The following SAP130 variants were observed in gnomAD, a reference collection of about 807,000 sequenced individuals.
The protein encoded by SAP130 is Sin3A associated protein 130.
In SAP130, 16 loss-of-function variants were observed where a neutral mutation model predicts 103.2. That is an observed-to-expected ratio of 0.16 (90% CI 0.10 to 0.24). The LOEUF (loss-of-function observed/expected upper bound fraction) is 0.24, where lower values mean the gene tolerates loss of function less well. SAP130 is among the 10% of genes least tolerant of loss of function. The pLI is 1.00. For synonymous variants in SAP130, 477 were observed against 497.0 expected, an observed-to-expected ratio of 0.96 and a Z score of 0.53; for missense variants, 990 against 1,359.7, an observed-to-expected ratio of 0.73 and a Z score of 4.28.
chr2:127,999,820 G>A lies in SAP130; in HGVS notation c.1134C>T (p.Pro378=). Reference sequence around the variant, plus strand: ...CTGTCATGGTAACAATGGTACTTGTGGGAGCTTGCGTGTGTGACACAGATC... The same window carrying A: ...CTGTCATGGTAACAATGGTACTTGTAGGAGCTTGCGTGTGTGACACAGATC... ...TAGSVSHTQA[P]TSTIVTMTVP... Residue 378 remains proline, a synonymous_variant, in exon 10 of 21, where the codon CCC becomes CCT. Transcript: ENST00000643581. 1 of 1,535,796 alleles carries A rather than the reference G, an allele frequency of 6.5e-7. No individual in the cohort carries two copies. The highest frequency in any genetic ancestry group is 8.7e-7 in the Non-Finnish European group (1 of 1,144,806).
At chr2:128,015,006 G>A (rs1372181734) in intron 4 of SAP130, 92 bp from the exon 5 acceptor site, 3 of 960,872 alleles carry the variant, frequency 3.1e-6, no homozygotes, top group Non-Finnish European at 4.8e-6. Flanking sequence ...GGGTCAGGTT[G>A]TTTTTTAGAT....
chr2:127,977,383 C>G (rs1309064946), intron 15 of SAP130, among the ~76,000 whole-genome samples: 2 of 150,716 alleles, frequency 1.3e-5, no homozygotes, highest in Non-Finnish European at 2.9e-5. Context: ...GCCTGTAATC[C>G]CAGCTACTCC....
intron 14 of SAP130, among the ~76,000 whole-genome samples, chr2:127,978,993 G>GA (rs1206220700): frequency 6.6e-6 from 1 of 152,178 alleles, no homozygotes; most frequent in Non-Finnish European, 1.5e-5. Flanking sequence ...TAGTAACTGT[G>GA]AATGTGACCT....
At position 127,941,985 on chromosome 2, in the gene SAP130, A is replaced by T. The variant is rs762524373; in HGVS notation, c.*21T>A. 1.6e-6 allele frequency: 2 copies of T among 1,219,078 alleles called. No homozygotes were observed. Among genetic ancestry groups the T allele is most frequent in the Admixed American group, 3.6e-5 (1 of 28,068 alleles). The allele number at this position is 1,219,078 out of a possible 1,614,324, so 75.5% of individuals were successfully genotyped here. Reference sequence around the variant, plus strand: ...CATCATTCTTCATAAATTTGCTTCCAATCTCCTGATTGTTCTGGGTCTAGA... The same window carrying T: ...CATCATTCTTCATAAATTTGCTTCCTATCTCCTGATTGTTCTGGGTCTAGA... On this transcript the variant is annotated 3_prime_UTR_variant, in exon 21 of 21. Transcript: ENST00000643581.
intron 12 of SAP130, among the ~76,000 whole-genome samples, chr2:127,992,575 GCACCTGGCT>G (rs1278243644): frequency 6.6e-6 from 1 of 152,204 alleles, no homozygotes; most frequent in Non-Finnish European, 1.5e-5. Context: ...ATGAGCCACT[GCACCTGGCT>G]GGAAATAAGG....
intron 18 of SAP130, among the ~76,000 whole-genome samples, chr2:127,947,026 G>GGA (rs930255829): frequency 6.7e-6 from 1 of 149,834 alleles, no homozygotes; most frequent in African/African-American, 2.5e-5. Flanking sequence ...GGGGAGAGAA[G>GGA]GAGAGAGAGA....
At chr2:127,978,239 G>C (rs1406345632) in intron 14 of SAP130, 150 bp from the exon 15 acceptor site, 3 of 613,276 alleles carry the variant, frequency 4.9e-6, no homozygotes, top group African/African-American at 1.8e-5. Flanking sequence ...CATTTTCTCG[G>C]ATACCACAGA....
chr2:127,962,513 T>C lies in SAP130; in HGVS notation c.2064-7169A>G, dbSNP rs192119707. 6.2e-4 allele frequency among the ~76,000 whole-genome samples: 94 copies of C among 152,234 alleles called. 1 individual carries two copies. Among genetic ancestry groups the C allele is most frequent in the Admixed American group, 5.6e-3 (86 of 15,284 alleles). ...AAAACGATAGACTGGATTAAGCAAA[T>C]GTGGCACATATACACCATGGAATAC... is the stretch of plus-strand genomic sequence containing the variant. On this transcript the variant is annotated intron_variant, in intron 15 of 20. Coordinates refer to ENST00000643581, the MANE Select transcript of SAP130 (RefSeq NM_001330301.2).
At chr2:127,945,084 T>G (rs1394441117) in intron 19 of SAP130, among the ~76,000 whole-genome samples, 1 of 151,966 alleles carries the variant, frequency 6.6e-6, no homozygotes, top group Non-Finnish European at 1.5e-5. Context: ...CCCTGTGGTA[T>G]GAAGGGTTGT....
At chr2:127,981,555 C>T (rs1346719731) in intron 14 of SAP130, among the ~76,000 whole-genome samples, 1 of 88,298 alleles carries the variant, frequency 1.1e-5, no homozygotes, top group African/African-American at 4.9e-5. Context: ...AGTCCTCCTG[C>T]ACCCCTGACT....
chr2:127,991,767 C>T (rs1448752589), intron 12 of SAP130, among the ~76,000 whole-genome samples: 1 of 152,126 alleles, frequency 6.6e-6, no homozygotes, highest in Non-Finnish European at 1.5e-5. Context: ...TTTCATAAAG[C>T]CTACAACTGA....
intron 7 of SAP130, among the ~76,000 whole-genome samples, chr2:128,003,254 C>T (rs1423464233): frequency 6.6e-6 from 1 of 151,882 alleles, no homozygotes; most frequent in Non-Finnish European, 1.5e-5. Context: ...CATCTGTAAG[C>T]CCTAGCACTT....
chr2:128,006,989 T>G (rs779133495), intron 7 of SAP130, among the ~76,000 whole-genome samples: 3 of 152,352 alleles, frequency 2.0e-5, no homozygotes, highest in Admixed American at 1.3e-4. Context: ...TCACTACTTG[T>G]AGTATATTGC....
In SAP130 at chr2:127,946,776, C is replaced by G. The variant is rs371802576; in HGVS notation, c.2798-1217G>C. Among the ~76,000 whole-genome samples, 51 of 151,306 alleles carry G rather than the reference C, an allele frequency of 3.4e-4. 1 individual carries two copies. In the South Asian group the frequency reaches 6.5e-3, roughly 19 times the overall value. ...GTGGGCGCCTATAATCCCAGCTACTCAGGAGGCTGAGGCAGGAGAATTGCT... is the reference window on the plus strand; with the variant it reads ...GTGGGCGCCTATAATCCCAGCTACTGAGGAGGCTGAGGCAGGAGAATTGCT... On this transcript the variant is annotated intron_variant, in intron 18 of 20. Coordinates refer to ENST00000643581, the MANE Select transcript of SAP130 (RefSeq NM_001330301.2).
intron 15 of SAP130, among the ~76,000 whole-genome samples, chr2:127,977,393 C>A (rs1312842499): frequency 6.6e-6 from 1 of 150,682 alleles, no homozygotes; most frequent in Non-Finnish European, 1.5e-5. Flanking sequence ...CCAGCTACTC[C>A]GGTGGCCGAG....
chr2:128,004,680 A>G (rs1179649414), intron 7 of SAP130, among the ~76,000 whole-genome samples: 2 of 152,176 alleles, frequency 1.3e-5, no homozygotes, highest in African/African-American at 4.8e-5. Flanking sequence ...TAAAAAGCAA[A>G]GGATCTAGGG....
chr2:127,975,989 C>T (rs572283295), intron 15 of SAP130, among the ~76,000 whole-genome samples: 4 of 152,136 alleles, frequency 2.6e-5, no homozygotes, highest in Non-Finnish European at 5.9e-5. Flanking sequence ...GGACTACAGG[C>T]ACCCGCCACC....
chr2:128,027,486 G>A (rs971905348), intron 1 of SAP130, among the ~76,000 whole-genome samples: 2 of 152,066 alleles, frequency 1.3e-5, no homozygotes, highest in Non-Finnish European at 1.5e-5. Flanking sequence ...CAATGGCAGA[G>A]GAAGACAGGC....
At chr2:127,968,232 C>T (rs115639467) in intron 15 of SAP130, among the ~76,000 whole-genome samples, 4,933 of 151,526 alleles carry the variant, frequency 0.033, 201 homozygotes, top group African/African-American at 0.093. Context: ...CCACAGCCTC[C>T]GGAGTAGCTG....
Sources: gnomAD v4.1 joint callset for allele counts (sites outside exome capture counted in the v4.1 genomes callset) on GRCh38, gnomAD v4.1.1 for gene constraint, MANE v1.5 for transcripts, NCBI Gene and HGNC (gene_info 2026-07-23, HGNC 2026-07-21) for gene names.